Variants in RRM2 observed in about 807,000 individuals in gnomAD.
RRM2 encodes the protein ribonucleotide reductase regulatory subunit M2, also known as ribonucleoside-diphosphate reductase subunit M2.
In RRM2, 6 loss-of-function variants were observed where a neutral mutation model predicts 45.9. The ratio of observed to expected loss-of-function variants is 0.13; its 90% CI spans 0.07 to 0.26. The LOEUF is 0.26. RRM2 is among the 10% of genes least tolerant of loss of function. The pLI, the probability that RRM2 is intolerant of heterozygous loss-of-function variation, is 1.00. For synonymous variants in RRM2, 177 were observed against 173.0 expected, an observed-to-expected ratio of 1.02 and a Z score of -0.18; for missense variants, 343 against 489.5, an observed-to-expected ratio of 0.70 and a Z score of 2.82.
Position 10,171,664 on chromosome 2 carries a change from G to A in RRM2, n.482+29289G>A, listed in dbSNP as rs145553960. Among the ~76,000 whole-genome samples, 3 of 152,284 alleles carry A rather than the reference G, an allele frequency of 2.0e-5. No individual in the cohort carries two copies. The highest frequency in any genetic ancestry group is 2.1e-4 in the South Asian group (1 of 4,824). On this transcript the variant is annotated intron_variant and non_coding_transcript_variant, in intron 3 of 3. Transcript: ENST00000381786. The surrounding 1 kb of genome is among the most constrained non-coding windows in gnomAD (Gnocchi z 4.1). The stretch of plus-strand genomic sequence containing the variant: ...CTGAGCATCTGGGTCAGGACGACAC[G>A]GATGCCACCCCAGGACCCCTGGCAT...
intron 3 of RRM2, among the ~76,000 whole-genome samples, chr2:10,162,102 C>G (rs924065279): frequency 9.9e-5 from 15 of 152,220 alleles, no homozygotes; most frequent in Non-Finnish European, 8.8e-5. Context: ...CCGCCGCTGC[C>G]TGGGATGAAT....
intron 3 of RRM2, among the ~76,000 whole-genome samples, chr2:10,186,642 GGGT>G (rs1421665716): frequency 7.9e-5 from 12 of 152,214 alleles, no homozygotes; most frequent in Admixed American, 7.2e-4. Context: ...TCTGCTGAAT[GGGT>G]CTCATAGTTG....
chr2:10,156,752 C>T (rs750896773), intron 3 of RRM2, among the ~76,000 whole-genome samples: 2 of 152,238 alleles, frequency 1.3e-5, no homozygotes, highest in Non-Finnish European at 2.9e-5. Flanking sequence ...CATCCTCCTA[C>T]CTCAGCCTCC....
intron 3 of RRM2, among the ~76,000 whole-genome samples, chr2:10,158,361 C>T (rs1663479209): frequency 6.6e-6 from 1 of 152,088 alleles, no homozygotes; most frequent in Non-Finnish European, 1.5e-5. Flanking sequence ...CTGTAAGTGG[C>T]CTGGCCAGGA....
In RRM2 at chr2:10,205,848, C is replaced by T. The variant is rs1431462590; in HGVS notation, n.483-4463C>T. Among the ~76,000 whole-genome samples the T allele has an allele frequency of 6.6e-6, 1 of 152,010 alleles. No homozygotes were observed. The highest frequency in any genetic ancestry group is 1.5e-5 in the Non-Finnish European group (1 of 67,992). The stretch of plus-strand genomic sequence containing the variant: ...CTGGGACTACAGGCACCTGCCACCA[C>T]CCCTGGATAATTTTTGTATTTTTAG... On this transcript the variant is annotated intron_variant and non_coding_transcript_variant, in intron 3 of 3. Coordinates refer to the RRM2 transcript ENST00000381786. The surrounding 1 kb of genome is among the most constrained non-coding windows in gnomAD (Gnocchi z 4.8).
At chr2:10,136,321 C>G (rs185482238), downstream of RRM2, among the ~76,000 whole-genome samples, 13 of 152,338 alleles carry the variant, frequency 8.5e-5, no homozygotes, top group East Asian at 1.9e-3. Context: ...CTGGGGCCTC[C>G]TAGTCTGGGG....
At chr2:10,194,956 C>T (rs1391315913) in intron 3 of RRM2, among the ~76,000 whole-genome samples, 4 of 152,348 alleles carry the variant, frequency 2.6e-5, no homozygotes, top group African/African-American at 4.8e-5. Flanking sequence ...CCGTTCTCAG[C>T]GGTGCGGGTA....
At chr2:10,141,943 A>G in exon 2 of RRM2, 2 of 1,576,238 alleles carry the variant, frequency 1.3e-6, no homozygotes, top group Admixed American at 1.8e-5. Context: ...CCAATCACCC[A>G]CCCAGTGTGC....
chr2:10,156,810 T>C (rs981749147), intron 3 of RRM2, among the ~76,000 whole-genome samples: 27 of 152,008 alleles, frequency 1.8e-4, no homozygotes, highest in African/African-American at 6.5e-4. Context: ...GGCTACTTTT[T>C]GTATTTTTTG....
chr2:10,145,093 G>A (rs1021709957), intron 3 of RRM2, among the ~76,000 whole-genome samples: 21 of 152,184 alleles, frequency 1.4e-4, no homozygotes, highest in African/African-American at 5.1e-4. Context: ...AGGGAGGGAA[G>A]GAGGCCTGGA....
At chr2:10,148,230 T>G (rs1235573108) in intron 3 of RRM2, among the ~76,000 whole-genome samples, 1 of 152,058 alleles carries the variant, frequency 6.6e-6, no homozygotes, top group African/African-American at 2.4e-5. Context: ...TTTTGTTTAA[T>G]GTATCATTTC....
exon 4 of RRM2, chr2:10,210,781 A>C (rs1003906327): frequency 7.5e-6 from 3 of 400,690 alleles, no homozygotes; most frequent in Admixed American, 7.5e-5. Context: ...CTAACTCCCA[A>C]TGTGATGGTG....
At chr2:10,200,532 AAATTATGAGTCCCACAGGGACCGCGCGCG>A (rs1558406755) in intron 3 of RRM2, among the ~76,000 whole-genome samples, 231 of 8,244 alleles carry the variant, frequency 0.028, 48 homozygotes, top group Middle Eastern at 0.21. Flanking sequence ...CTGCGCGCAC[AAATTATGAGTCCCACAGGGACCGCGCGCG>A]CAAAATATGA....
At chr2:10,128,731 C>T in intron 7 of RRM2, 117 bp from the exon 8 acceptor site, 1 of 726,602 alleles carries the variant, frequency 1.4e-6, no homozygotes, top group Non-Finnish European at 2.4e-6. Context: ...TTCAAGTGCT[C>T]TCAGTATGGC....
intron 3 of RRM2, among the ~76,000 whole-genome samples, chr2:10,148,976 G>A (rs1663249807): frequency 6.6e-6 from 1 of 152,054 alleles, no homozygotes; most frequent in African/African-American, 2.4e-5. Flanking sequence ...AGCAATATTT[G>A]ATGCTCCTCT....
intron 3 of RRM2, among the ~76,000 whole-genome samples, chr2:10,178,452 A>G (rs1663977557): frequency 6.7e-6 from 1 of 149,368 alleles, no homozygotes; most frequent in Non-Finnish European, 1.5e-5. Flanking sequence ...CGAACTCCTG[A>G]CCTCAGGTAA....
intron 3 of RRM2, chr2:10,198,542 AC>A (rs1392210790): frequency 6.6e-6 from 1 of 152,180 alleles, no homozygotes; most frequent in Admixed American, 6.5e-5. Flanking sequence ...AGCTGAGGAT[AC>A]AGACGTGCAT....
intron 3 of RRM2, among the ~76,000 whole-genome samples, chr2:10,159,739 T>G (rs1193823470): frequency 6.6e-6 from 1 of 152,162 alleles, no homozygotes; most frequent in African/African-American, 2.4e-5. Flanking sequence ...AGACTGGAGC[T>G]TTTCCCCAAC....
At chr2:10,191,772 G>A (rs1385491163) in intron 3 of RRM2, among the ~76,000 whole-genome samples, 1 of 152,168 alleles carries the variant, frequency 6.6e-6, no homozygotes, top group Non-Finnish European at 1.5e-5. Context: ...CTGGGAATAA[G>A]TGAGAGGCTC....
Sources: allele counts gnomAD v4.1 joint callset (sites outside exome capture counted in the v4.1 genomes callset), GRCh38; gene constraint gnomAD v4.1.1; non-coding constraint Gnocchi (gnomAD v3.1); transcripts MANE v1.5; gene names NCBI Gene and HGNC (gene_info 2026-07-23, HGNC 2026-07-21).